Variants in CDYL observed in about 807,000 individuals in gnomAD.
CDYL encodes chromodomain Y-like protein.
CDYL carries 8 observed loss-of-function variants against 47.3 expected under a neutral mutation model. The ratio of observed to expected loss-of-function variants is 0.17; its 90% CI spans 0.10 to 0.31. The LOEUF is 0.31. Among genes scored for constraint, CDYL ranks in the 10% least tolerant of loss-of-function variants. CDYL has a pLI of 1.00. For missense variants in CDYL, 471 were observed against 701.4 expected (o/e 0.67, Z 3.71); for synonymous variants, 266 against 265.0 (o/e 1.00, Z -0.04).
At chr6:4,747,252 A>G (rs1757914536) in intron 3 of CDYL, among the ~76,000 whole-genome samples, 2 of 149,388 alleles carry the variant, frequency 1.3e-5, no homozygotes, top group Non-Finnish European at 3.0e-5. Flanking sequence ...GGTTGCAGTG[A>G]GCAGAGATTG....
At chr6:4,726,258 C>A (rs746130800) in intron 2 of CDYL, among the ~76,000 whole-genome samples, 11 of 152,058 alleles carry the variant, frequency 7.2e-5, no homozygotes, top group Non-Finnish European at 1.6e-4. Flanking sequence ...AAAAATTAGG[C>A]CGGCGTGGCG....
intron 1 of CDYL, among the ~76,000 whole-genome samples, chr6:4,851,048 C>T (rs1438907975): frequency 6.6e-6 from 1 of 152,190 alleles, no homozygotes; most frequent in African/African-American, 2.4e-5. Context: ...TTTAATCATA[C>T]TGCCCTAAAG....
At position 4,892,273 on chromosome 6, in the gene CDYL, C is replaced by T. The variant is rs11962921; in HGVS notation, c.585C>T (p.Ala195=). 8.0e-4 allele frequency: 1,287 copies of T among 1,614,166 alleles called. 1 individual carries two copies. The African/African-American group carries it at 0.015, about 19-fold the overall frequency. Residue 195 remains alanine (A), a synonymous_variant, in exon 2 of 7, where the codon GCC becomes GCT. Coordinates refer to ENST00000397588, the MANE Select transcript of CDYL (RefSeq NM_004824.4). The part of the protein sequence containing the change: ...KPVGALLGPG[A]ERARMGSRPR... ...TCGGAGCTTTATTGGGCCCCGGTGC[C>T]GAGAGGGCCAGGATGGGGAGCAGGC... is the stretch of plus-strand genomic sequence containing the variant.
intron 1 of CDYL, among the ~76,000 whole-genome samples, chr6:4,790,982 T>C (rs546601998): frequency 2.0e-5 from 3 of 152,286 alleles, no homozygotes; most frequent in Non-Finnish European, 4.4e-5. Flanking sequence ...GGAAGAGAAT[T>C]TGAGTTTTTA....
At chr6:4,846,274 G>A (rs1043964531) in intron 1 of CDYL, among the ~76,000 whole-genome samples, 5 of 151,886 alleles carry the variant, frequency 3.3e-5, no homozygotes, top group South Asian at 4.2e-4. Context: ...CCCACAGGGT[G>A]CACGGCAAAT....
intron 1 of CDYL, among the ~76,000 whole-genome samples, chr6:4,852,224 C>A (rs1760849511): frequency 6.6e-6 from 1 of 152,152 alleles, no homozygotes; most frequent in East Asian, 1.9e-4. Flanking sequence ...CCTGTCGTTC[C>A]TTCTGTGGTT....
intron 1 of CDYL, among the ~76,000 whole-genome samples, chr6:4,861,752 C>T (rs140304295): frequency 7.9e-5 from 12 of 152,164 alleles, no homozygotes; most frequent in African/African-American, 2.7e-4. Context: ...GTTGCCATTG[C>T]GCAGTACTGT....
At chr6:4,732,947 C>G (rs1482462689) in intron 2 of CDYL, among the ~76,000 whole-genome samples, 1 of 152,134 alleles carries the variant, frequency 6.6e-6, no homozygotes, top group Non-Finnish European at 1.5e-5. Context: ...GTGAAAGCTA[C>G]TTCGGATCCT....
intron 2 of CDYL, among the ~76,000 whole-genome samples, chr6:4,911,265 A>G (rs568136082): frequency 2.3e-3 from 357 of 152,346 alleles, no homozygotes; most frequent in South Asian, 4.3e-3. Context: ...AGTCCAGGGT[A>G]TGCATGCCGT....
chr6:4,837,062 C>A (rs1332061915), intron 1 of CDYL, among the ~76,000 whole-genome samples: 20 of 152,186 alleles, frequency 1.3e-4, no homozygotes, highest in Non-Finnish European at 4.4e-5. Flanking sequence ...TTATACATAG[C>A]AGACACTCTC....
At chr6:4,761,420 T>C (rs1010757947) in intron 3 of CDYL, among the ~76,000 whole-genome samples, 1 of 152,310 alleles carries the variant, frequency 6.6e-6, no homozygotes, top group Admixed American at 6.5e-5. Context: ...CTCGGCTCGC[T>C]GCAAACTCCA....
chr6:4,883,629 C>T (rs1307937100), intron 1 of CDYL, among the ~76,000 whole-genome samples: 1 of 152,200 alleles, frequency 6.6e-6, no homozygotes. Context: ...AAGGGCAAGA[C>T]TCAGTGATTG....
intron 1 of CDYL, among the ~76,000 whole-genome samples, chr6:4,835,775 G>A (rs1760281847): frequency 6.6e-6 from 1 of 152,184 alleles, no homozygotes; most frequent in South Asian, 2.1e-4. Flanking sequence ...AGCAAGCCTG[G>A]GCACTGGCCG....
At chr6:4,888,970 G>A (rs969160681) in intron 1 of CDYL, among the ~76,000 whole-genome samples, 1 of 152,182 alleles carries the variant, frequency 6.6e-6, no homozygotes, top group African/African-American at 2.4e-5. Flanking sequence ...CCTTTTAAAT[G>A]TACTGAGCTT....
rs566641098 is a variant in CDYL, at chr6:4,835,464, G to A, written c.25-56249G>A. ...CTCAGAGGAGTACCCGGCCATGTGA[G>A]ATGTCAGTCCGCCCCTACTGGGGAG... On this transcript the variant is annotated intron_variant, in intron 1 of 6. Coordinates refer to ENST00000397588, the MANE Select transcript of CDYL (RefSeq NM_004824.4). Among the ~76,000 whole-genome samples the A allele has an allele frequency of 2.6e-3, 396 of 152,344 alleles. 1 individual carries two copies. Among genetic ancestry groups the A allele is most frequent in the African/African-American group, 9.2e-3 (383 of 41,572 alleles).
intron 3 of CDYL, among the ~76,000 whole-genome samples, chr6:4,738,185 G>A (rs1757736826): frequency 6.6e-6 from 1 of 152,108 alleles, no homozygotes; most frequent in South Asian, 2.1e-4. Flanking sequence ...AGACCAGCCT[G>A]GCCAACATGG....
At chr6:4,946,676 G>T (rs1166543996) in intron 5 of CDYL, among the ~76,000 whole-genome samples, 1 of 151,564 alleles carries the variant, frequency 6.6e-6, no homozygotes, top group African/African-American at 2.4e-5. Flanking sequence ...CCTTGCGCCT[G>T]TGGGGCTGAT....
At chr6:4,915,924 A>C (rs760847775) in intron 2 of CDYL, among the ~76,000 whole-genome samples, 1 of 152,176 alleles carries the variant, frequency 6.6e-6, no homozygotes, top group Non-Finnish European at 1.5e-5. Context: ...GCATTTCTTT[A>C]TTCTGGATTC....
At chr6:4,745,310 C>T (rs565572649) in intron 3 of CDYL, among the ~76,000 whole-genome samples, 10 of 152,216 alleles carry the variant, frequency 6.6e-5, no homozygotes, top group Admixed American at 3.3e-4. Context: ...ATGTCATGGA[C>T]TCTATGAACA....
Sources: allele counts gnomAD v4.1 joint callset (sites outside exome capture counted in the v4.1 genomes callset), GRCh38; gene constraint gnomAD v4.1.1; transcripts MANE v1.5; gene names NCBI Gene and HGNC (gene_info 2026-07-23, HGNC 2026-07-21).